KCNA3: variants seen among roughly 807,000 people sequenced by gnomAD.
The protein encoded by KCNA3 is RP11-284N8.3.
A neutral mutation model predicts 34.3 loss-of-function variants in KCNA3; 18 were observed. The observed-to-expected ratio is 0.52, with a 90% CI of 0.36 to 0.78. The LOEUF is 0.78. Among genes scored for constraint, KCNA3 ranks in the 30% least tolerant of loss-of-function variants. The pLI, the probability that KCNA3 is intolerant of heterozygous loss-of-function variation, is 0.00. For missense variants in KCNA3, 587 were observed against 802.5 expected (o/e 0.73, Z 3.24); for synonymous variants, 324 against 351.7 (o/e 0.92, Z 0.88).
chr1:110,674,668 CGCGGCCT>C lies in KCNA3; in HGVS notation c.135_141del (p.Gly46SerfsTer6), dbSNP rs762560493. On this transcript the variant is annotated frameshift_variant, in exon 1 of 1. Coordinates refer to ENST00000369769, the MANE Select transcript of KCNA3 (RefSeq NM_002232.5). LOFTEE classifies it high-confidence loss of function. This position sits in a 1 kb window ranked among gnomAD's most constrained non-coding sequence, Gnocchi z 6.4. ...ACCACGGTCATGTCGGGCGGCAGCT[CGCGGCCT>C]GCGGCGGGCTCCGCGTAGCCGTGGT... 4.6e-6 allele frequency: 7 copies of C among 1,515,664 alleles called. No individual in the cohort carries two copies. The highest frequency in any genetic ancestry group is 8.7e-7 in the Non-Finnish European group (1 of 1,143,336). 93.9% of individuals were successfully genotyped at this position (1,515,664 alleles called of 1,614,324 possible). A position where few individuals can be genotyped will look rare whatever the true frequency, so the allele number is the denominator to read the frequency against.
the KCNA3 span, among the ~76,000 whole-genome samples, chr1:110,662,488 C>T: frequency 6.6e-6 from 1 of 152,118 alleles, no homozygotes; most frequent in Non-Finnish European, 1.5e-5. Context: ...ACTTTGTTTT[C>T]ATGTGTCTAT....
At chr1:110,662,823 A>G in the KCNA3 span, among the ~76,000 whole-genome samples, 2 of 152,222 alleles carry the variant, frequency 1.3e-5, no homozygotes, top group African/African-American at 4.8e-5. Flanking sequence ...TCTTCAATTT[A>G]TATGGTCACA....
downstream of KCNA3, among the ~76,000 whole-genome samples, chr1:110,668,617 C>T (rs116796289): frequency 8.0e-3 from 1,217 of 152,156 alleles, 17 homozygotes; most frequent in South Asian, 0.017. Flanking sequence ...TCCTCCTATG[C>T]GTAGGTGTCT....
chr1:110,674,835 G>A lies in KCNA3; in HGVS notation c.-26C>T. On this transcript the variant is annotated 5_prime_UTR_variant, in exon 1 of 1. Transcript: ENST00000369769. The surrounding 1 kb of genome is among the most constrained non-coding windows in gnomAD (Gnocchi z 6.4). Reference sequence around the variant, plus strand: ...GCGGCGGGGAAGAGGCGGCAGCGGTGAGGCCAGGTCGCTCCTCCTCGCGCT... The same window carrying A: ...GCGGCGGGGAAGAGGCGGCAGCGGTAAGGCCAGGTCGCTCCTCCTCGCGCT... 1 of 1,302,582 alleles carries A rather than the reference G, an allele frequency of 7.7e-7. No individual in the cohort carries two copies. Among genetic ancestry groups the A allele is most frequent in the Non-Finnish European group, 9.7e-7 (1 of 1,030,080 alleles). The allele number at this position is 1,302,582 out of a possible 1,614,324, so 80.7% of individuals were successfully genotyped here.
At chr1:110,667,519 T>G (rs185373031), downstream of KCNA3, among the ~76,000 whole-genome samples, 2 of 152,298 alleles carry the variant, frequency 1.3e-5, no homozygotes, top group East Asian at 3.9e-4. Context: ...ATTTAAGTGT[T>G]ATATTGCTAG....
At chr1:110,666,414 C>T in the KCNA3 span, among the ~76,000 whole-genome samples, 1 of 151,958 alleles carries the variant, frequency 6.6e-6, no homozygotes, top group East Asian at 1.9e-4. Context: ...GGAAAGGGAG[C>T]TTATCCTGTA....
At chr1:110,655,333 A>T in the KCNA3 span, 1 of 152,142 alleles carries the variant, frequency 6.6e-6, no homozygotes, top group Non-Finnish European at 1.5e-5. Context: ...GACAGTTTAA[A>T]GTAAACTAAA....
At chr1:110,667,678 A>C (rs1424281224), downstream of KCNA3, among the ~76,000 whole-genome samples, 1 of 152,108 alleles carries the variant, frequency 6.6e-6, no homozygotes, top group Non-Finnish European at 1.5e-5. Flanking sequence ...AATGGTGCAA[A>C]TTTTAAAACA....
At chr1:110,662,544 T>A in the KCNA3 span, among the ~76,000 whole-genome samples, 1 of 152,198 alleles carries the variant, frequency 6.6e-6, no homozygotes, top group Non-Finnish European at 1.5e-5. Context: ...TGCACACCAA[T>A]AAGTTTTACC....
chr1:110,672,998 G>A lies in KCNA3; in HGVS notation c.*84C>T. 7.7e-7 allele frequency: 1 copy of A among 1,307,112 alleles called. No individual in the cohort carries two copies. Among genetic ancestry groups the A allele is most frequent in the East Asian group, 2.3e-5 (1 of 43,070 alleles). The allele number at this position is 1,307,112 out of a possible 1,614,324, so 81.0% of individuals were successfully genotyped here. A position where few individuals can be genotyped will look rare whatever the true frequency, so the allele number is the denominator to read the frequency against. ...GGTCCTTTCCTTGATGAATGGTCTG[G>A]AAATGTATAAAACAAGGGCATAGGC... On this transcript the variant is annotated 3_prime_UTR_variant, in exon 1 of 1. Coordinates refer to ENST00000369769, the MANE Select transcript of KCNA3 (RefSeq NM_002232.5).
chr1:110,663,273 A>G, the KCNA3 span, among the ~76,000 whole-genome samples: 12 of 152,210 alleles, frequency 7.9e-5, no homozygotes, highest in African/African-American at 2.9e-4. Flanking sequence ...CCTATATTTT[A>G]TGTCATTTCT....
At chr1:110,663,282 CT>C in the KCNA3 span, among the ~76,000 whole-genome samples, 1 of 152,112 alleles carries the variant, frequency 6.6e-6, no homozygotes, top group Admixed American at 6.6e-5. Context: ...TATGTCATTT[CT>C]TTAAAAATCC....
chr1:110,657,810 A>G, the KCNA3 span, among the ~76,000 whole-genome samples: 2 of 152,318 alleles, frequency 1.3e-5, no homozygotes, highest in Non-Finnish European at 2.9e-5. Context: ...AACACAGTTG[A>G]TCAGTTTGTT....
the KCNA3 span, among the ~76,000 whole-genome samples, chr1:110,662,084 G>C: frequency 7.8e-6 from 1 of 128,008 alleles, no homozygotes; most frequent in Non-Finnish European, 1.5e-5. Context: ...CTGCACTCCA[G>C]CCTGGGTGAC....
the KCNA3 span, among the ~76,000 whole-genome samples, chr1:110,662,909 C>T: frequency 6.6e-6 from 1 of 152,148 alleles, no homozygotes; most frequent in Non-Finnish European, 1.5e-5. Context: ...TAAAGCAATT[C>T]AAACAGTTCT....
chr1:110,670,272 A>G (rs1467558655), downstream of KCNA3, among the ~76,000 whole-genome samples: 1 of 152,216 alleles, frequency 6.6e-6, no homozygotes, highest in Non-Finnish European at 1.5e-5. Context: ...AACCTTCAAG[A>G]CACAGAGCTT....
At chr1:110,666,227 T>C in the KCNA3 span, among the ~76,000 whole-genome samples, 1 of 152,188 alleles carries the variant, frequency 6.6e-6, no homozygotes, top group Admixed American at 6.5e-5. Flanking sequence ...GTATTTCTTA[T>C]AATCAAGGGC....
the KCNA3 span, chr1:110,655,009 T>TA: frequency 5.3e-5 from 8 of 152,190 alleles, no homozygotes; most frequent in African/African-American, 9.6e-5. Context: ...CTAGACTCTA[T>TA]AAAAAAATTG....
chr1:110,674,780 C>T lies in KCNA3; in HGVS notation c.30G>A (p.Ser10=). Residue 10 remains serine (S), a synonymous_variant, in exon 1 of 1, where the codon TCG becomes TCA. Coordinates refer to ENST00000369769, the MANE Select transcript of KCNA3 (RefSeq NM_002232.5). The surrounding 1 kb of genome is among the most constrained non-coding windows in gnomAD (Gnocchi z 6.4). Reference sequence around the variant, plus strand: ...GGTGGCGGGCTGAGGGCGGCGGCGGCGAGCGCAGAAGGCTGAGGCGCTCGT... The same window carrying T: ...GGTGGCGGGCTGAGGGCGGCGGCGGTGAGCGCAGAAGGCTGAGGCGCTCGT... The part of the protein sequence containing the change: MDERLSLLR[S]PPPPSARHRA... 7.5e-7 allele frequency: 1 copy of T among 1,339,386 alleles called. No individual in the cohort carries two copies. The highest frequency in any genetic ancestry group is 9.5e-7 in the Non-Finnish European group (1 of 1,053,190). The allele number at this position is 1,339,386 out of a possible 1,614,324, so 83.0% of individuals were successfully genotyped here.
Sources: gnomAD v4.1 joint callset for allele counts (sites outside exome capture counted in the v4.1 genomes callset) on GRCh38, gnomAD v4.1.1 for gene constraint, Gnocchi (gnomAD v3.1) non-coding constraint, MANE v1.5 for transcripts, NCBI Gene and HGNC (gene_info 2026-07-23, HGNC 2026-07-21) for gene names.